GSTCD: variants seen among roughly 807,000 people sequenced by gnomAD.
GSTCD encodes the protein glutathione S-transferase C-terminal domain-containing protein.
A neutral mutation model predicts 68.3 loss-of-function variants in GSTCD; 44 were observed. The ratio of observed to expected loss-of-function variants is 0.64; its 90% CI spans 0.51 to 0.83. The LOEUF is 0.83. GSTCD is among the 40% of genes least tolerant of loss of function. GSTCD has a pLI of 0.00. For missense variants in GSTCD, 739 were observed against 735.9 expected (o/e 1.00, Z -0.05); for synonymous variants, 273 against 255.2 (o/e 1.07, Z -0.67).
intron 5 of GSTCD, among the ~76,000 whole-genome samples, chr4:105,769,219 T>C (rs1734735810): frequency 7.6e-6 from 1 of 132,266 alleles, no homozygotes; most frequent in African/African-American, 2.9e-5. Context: ...TTTAAAAATA[T>C]ACTATACACG....
intron 5 of GSTCD, among the ~76,000 whole-genome samples, chr4:105,779,236 TAACCTTCTTGAAG>T (rs1735187776): frequency 6.6e-6 from 1 of 152,170 alleles, no homozygotes; most frequent in South Asian, 2.1e-4. Flanking sequence ...TTCTTGGCCT[TAACCTTCTTGAAG>T]AACACAGACC....
At chr4:105,728,444 C>T (rs373501623) in intron 4 of GSTCD, among the ~76,000 whole-genome samples, 8 of 152,182 alleles carry the variant, frequency 5.3e-5, no homozygotes, top group East Asian at 3.9e-4. Flanking sequence ...ATGTGTTTGT[C>T]TTTCTGGAGG....
In GSTCD at chr4:105,799,199, G is replaced by A. The variant is rs571715164; in HGVS notation, c.1241-23755G>A. ...GTTAGGGCTTTGCTCTGGATTAGGC[G>A]TTTGTATAAGGGAATGTTTTGTCTG... On this transcript the variant is annotated intron_variant, in intron 5 of 11. Coordinates refer to ENST00000515279, the MANE Select transcript of GSTCD (RefSeq NM_001370181.1). 4.6e-5 allele frequency among the ~76,000 whole-genome samples: 7 copies of A among 152,156 alleles called. No homozygotes were observed. In the East Asian group the frequency reaches 5.8e-4, roughly 13 times the overall value.
At chr4:105,765,210 A>G (rs1734558640) in intron 5 of GSTCD, among the ~76,000 whole-genome samples, 1 of 152,270 alleles carries the variant, frequency 6.6e-6, no homozygotes, top group Admixed American at 6.5e-5. Flanking sequence ...AATAATAGTC[A>G]TGACCCACTA....
intron 5 of GSTCD, among the ~76,000 whole-genome samples, chr4:105,767,967 T>C (rs1238780938): frequency 6.6e-6 from 1 of 151,092 alleles, no homozygotes; most frequent in Non-Finnish European, 1.5e-5. Flanking sequence ...TTTTTTGCCT[T>C]TTTCTTTTAA....
At chr4:105,840,045 C>T (rs1398144292) in intron 10 of GSTCD, 2 of 271,660 alleles carry the variant, frequency 7.4e-6, no homozygotes, top group East Asian at 8.9e-5. Context: ...TTTTTCTCTG[C>T]AGTTCAATTT....
chr4:105,787,977 C>T (rs1036115488), intron 5 of GSTCD, among the ~76,000 whole-genome samples: 6 of 151,990 alleles, frequency 3.9e-5, no homozygotes, highest in African/African-American at 1.5e-4. Flanking sequence ...AAAATAATCA[C>T]CTTTGGTCTT....
At chr4:105,710,744 A>G (rs1732512164) in intron 1 of GSTCD, 2 of 152,180 alleles carry the variant, frequency 1.3e-5, no homozygotes, top group Non-Finnish European at 1.5e-5. Flanking sequence ...CATGTTAGCC[A>G]TTTGCGCTGT....
intron 5 of GSTCD, among the ~76,000 whole-genome samples, chr4:105,738,011 C>G (rs897555802): frequency 6.6e-6 from 1 of 152,198 alleles, no homozygotes; most frequent in Non-Finnish European, 1.5e-5. Context: ...CTTGCTCCCC[C>G]TTGCTATGTG....
intron 11 of GSTCD, among the ~76,000 whole-genome samples, chr4:105,844,408 G>A (rs1724474208): frequency 6.6e-6 from 1 of 152,132 alleles, no homozygotes; most frequent in Admixed American, 6.5e-5. Flanking sequence ...TAAGGAAAAT[G>A]TACAAAATAA....
intron 5 of GSTCD, among the ~76,000 whole-genome samples, chr4:105,759,461 T>C (rs1734319155): frequency 6.6e-6 from 1 of 151,918 alleles, no homozygotes. Context: ...TCCTGGAGGG[T>C]TAAATGTTAG....
chr4:105,781,004 C>T (rs1200032989), intron 5 of GSTCD, among the ~76,000 whole-genome samples: 5 of 152,116 alleles, frequency 3.3e-5, no homozygotes, highest in Non-Finnish European at 7.4e-5. Flanking sequence ...TAATCTCAAG[C>T]AAATTAGCTA....
At chr4:105,760,572 G>A (rs115321069) in intron 5 of GSTCD, among the ~76,000 whole-genome samples, 2,202 of 152,262 alleles carry the variant, frequency 0.014, 14 homozygotes, top group Non-Finnish European at 0.023. Context: ...AAAGGAGGGG[G>A]ATTGATCCTT....
At chr4:105,833,463 C>CA (rs766230415) in intron 8 of GSTCD, among the ~76,000 whole-genome samples, 1,629 of 129,210 alleles carry the variant, frequency 0.013, 24 homozygotes, top group African/African-American at 0.04. Flanking sequence ...AACTCTGTCT[C>CA]AAAAAAAAAA....
At chr4:105,817,806 T>C (rs1723073289) in intron 5 of GSTCD, among the ~76,000 whole-genome samples, 1 of 151,878 alleles carries the variant, frequency 6.6e-6, no homozygotes, top group African/African-American at 2.4e-5. Context: ...TGTTATTCTC[T>C]CACAAAAGTT....
intron 5 of GSTCD, among the ~76,000 whole-genome samples, chr4:105,735,763 T>G (rs2149216756): frequency 6.6e-6 from 1 of 152,296 alleles, no homozygotes; most frequent in South Asian, 2.1e-4. Context: ...GTGTGATTTC[T>G]TCTGCGTCAC....
At chr4:105,791,530 A>G (rs1735675747) in intron 5 of GSTCD, among the ~76,000 whole-genome samples, 1 of 152,104 alleles carries the variant, frequency 6.6e-6, no homozygotes, top group Admixed American at 6.5e-5. Flanking sequence ...TGCAAAAGTT[A>G]CCTTTTCAGA....
chr4:105,747,089 G>C (rs756445243), intron 5 of GSTCD, among the ~76,000 whole-genome samples: 1 of 152,172 alleles, frequency 6.6e-6, no homozygotes, highest in Non-Finnish European at 1.5e-5. Flanking sequence ...TCTTAACTAG[G>C]TTCTTACCAA....
rs561878835 is a variant in GSTCD at position 105,736,511 on chromosome 4, TATG to T, written c.1240+7015_1240+7017del. Among the ~76,000 whole-genome samples the T allele has an allele frequency of 4.2e-3, 642 of 152,326 alleles. 7 individuals carry two copies. Among genetic ancestry groups the T allele is most frequent in the African/African-American group, 0.015 (604 of 41,580 alleles). On this transcript the variant is annotated intron_variant, in intron 5 of 11. Coordinates refer to ENST00000515279, the MANE Select transcript of GSTCD (RefSeq NM_001370181.1). ...AATTGTGCATATTTTTGGGGAACAG[TATG>T]ATATTTTGATACATGTATGCAATGC... is the stretch of plus-strand genomic sequence containing the variant.
Sources: allele counts gnomAD v4.1 joint callset (sites outside exome capture counted in the v4.1 genomes callset), GRCh38; gene constraint gnomAD v4.1.1; transcripts MANE v1.5; gene names NCBI Gene and HGNC (gene_info 2026-07-23, HGNC 2026-07-21).